Variants in PCDHGA1 observed in about 807,000 individuals in gnomAD.
The protein encoded by PCDHGA1 is protocadherin gamma subfamily A, 1.
In PCDHGA1, 32 loss-of-function variants were observed where a neutral mutation model predicts 58.0. That is an observed-to-expected ratio of 0.55 (90% confidence interval 0.42 to 0.74). The LOEUF (loss-of-function observed/expected upper bound fraction) is 0.74. Ranked by LOEUF, PCDHGA1 falls within the 30% of genes least tolerant of loss-of-function variation. The pLI is 0.00. For synonymous variants in PCDHGA1, 498 were observed against 501.1 expected (o/e 0.99, Z 0.08); for missense variants, 1,205 against 1,182.3 (o/e 1.02, Z -0.28).
At chr5:141,374,428 T>A in intron 1 of PCDHGA1, 16 of 1,613,952 alleles carry the variant, frequency 9.9e-6, no homozygotes, top group Non-Finnish European at 1.4e-5. Context: ...ATAAACTGAA[T>A]CTTTATCCCG....
At position 141,431,118 on chromosome 5, in the gene PCDHGA1, A is replaced by C; in HGVS notation, c.2422-63689A>C. On this transcript the variant is annotated intron_variant, in intron 1 of 3. Coordinates refer to ENST00000517417, the MANE Select transcript of PCDHGA1 (RefSeq NM_018912.3). The surrounding 1 kb of genome is among the most constrained non-coding windows in gnomAD (Gnocchi z 4.8). ...GATAAAGTGAAAATATATGGAGTAG[A>C]AGTAGAAGTAAGGGACATTAACGAC... 6.2e-7 allele frequency: 1 copy of C among 1,614,182 alleles called. No individual in the cohort carries two copies. Among genetic ancestry groups the C allele is most frequent in the Non-Finnish European group, 8.5e-7 (1 of 1,179,974 alleles).
Position 141,491,300 on chromosome 5 carries a change from G to A in PCDHGA1, c.2422-3507G>A, listed in dbSNP as rs2099710472. On this transcript the variant is annotated intron_variant, in intron 1 of 3. Coordinates refer to ENST00000517417, the MANE Select transcript of PCDHGA1 (RefSeq NM_018912.3). This position sits in a 1 kb window ranked among gnomAD's most constrained non-coding sequence, Gnocchi z 6.9. ...GACTTCCTCATACACCCTCCTGAGC[G>A]TTCAGACCTTACCCTTTACCTCATT... 1 of 1,614,136 alleles carries A rather than the reference G, an allele frequency of 6.2e-7. No homozygotes were observed. The highest frequency in any genetic ancestry group is 1.1e-5 in the South Asian group (1 of 91,086).
chr5:141,373,498 G>A (rs1282997273), intron 1 of PCDHGA1, among the ~76,000 whole-genome samples: 2 of 152,206 alleles, frequency 1.3e-5, no homozygotes, highest in Non-Finnish European at 2.9e-5. Flanking sequence ...ACTCTAGCCT[G>A]GGAGACAGAG....
chr5:141,391,873 T>G (rs1023590638), intron 1 of PCDHGA1: 2 of 152,216 alleles, frequency 1.3e-5, no homozygotes, highest in African/African-American at 4.8e-5. Flanking sequence ...TAATCATCTC[T>G]TTGGTGAAAG....
intron 1 of PCDHGA1, chr5:141,371,724 G>A (rs747047802): frequency 1.2e-6 from 2 of 1,614,056 alleles, no homozygotes; most frequent in South Asian, 2.2e-5. Flanking sequence ...GCACATCCTT[G>A]ATGTCAACGA....
chr5:141,476,224 G>T lies in PCDHGA1; in HGVS notation c.2422-18583G>T. 6.2e-7 allele frequency: 1 copy of T among 1,614,062 alleles called. No individual in the cohort carries two copies. The highest frequency in any genetic ancestry group is 1.1e-5 in the South Asian group (1 of 91,072). ...AGGCTTCCACGGTCATTCACTATGA[G>T]ATCCCGGAGGAAAGAGAGAAGGGTT... On this transcript the variant is annotated intron_variant, in intron 1 of 3. Transcript: ENST00000517417. This position sits in a 1 kb window ranked among gnomAD's most constrained non-coding sequence, Gnocchi z 7.6.
chr5:141,478,607 A>T (rs892000536), intron 1 of PCDHGA1: 1 of 1,560,800 alleles, frequency 6.4e-7, no homozygotes, highest in Non-Finnish European at 8.7e-7. Context: ...CATCATATTG[A>T]GGAAGGAATG....
At chr5:141,372,885 A>G (rs1011969316) in intron 1 of PCDHGA1, 5 of 1,202,158 alleles carry the variant, frequency 4.2e-6, no homozygotes, top group Non-Finnish European at 4.5e-6. Flanking sequence ...AAAAGAATAC[A>G]GATTAAATAT....
intron 1 of PCDHGA1, chr5:141,391,631 G>C (rs913626630): frequency 6.6e-6 from 1 of 152,170 alleles, no homozygotes; most frequent in African/African-American, 2.4e-5. Flanking sequence ...GAAAGTTTTA[G>C]TCAGTGAAAA....
chr5:141,432,094 C>G lies in PCDHGA1; in HGVS notation c.2422-62713C>G. On this transcript the variant is annotated intron_variant, in intron 1 of 3. Transcript: ENST00000517417. This position sits in a 1 kb window ranked among gnomAD's most constrained non-coding sequence, Gnocchi z 6.0. ...ATATCTCGCTGAACGTGGCAGACAC[C>G]AACGACAACCCGCCGGTCTTCCCTC... The G allele has an allele frequency of 6.2e-7, 1 of 1,614,178 alleles. No homozygotes were observed. The highest frequency in any genetic ancestry group is 8.5e-7 in the Non-Finnish European group (1 of 1,180,046).
Position 141,371,960 on chromosome 5 carries a change from C to A in PCDHGA1, c.2421+38855C>A, listed in dbSNP as rs771450244. On this transcript the variant is annotated intron_variant, in intron 1 of 3. Transcript: ENST00000517417. ...TGTTCGCGCAGCGAGCCTTCGACCACGAGCAGCTGCGTGCCTTCGAGCTCA... is the reference window on the plus strand; with the variant it reads ...TGTTCGCGCAGCGAGCCTTCGACCAAGAGCAGCTGCGTGCCTTCGAGCTCA... 1.9e-6 allele frequency: 3 copies of A among 1,613,142 alleles called. No homozygotes were observed. The African/African-American group carries it at 4.0e-5, about 22-fold the overall frequency.
At chr5:141,379,275 A>C (rs1248743398) in intron 1 of PCDHGA1, 3 of 152,194 alleles carry the variant, frequency 2.0e-5, no homozygotes, top group African/African-American at 7.2e-5. Flanking sequence ...TTATAGATTT[A>C]TTTATTTCAA....
intron 2 of PCDHGA1, among the ~76,000 whole-genome samples, chr5:141,501,290 T>TACACATACAC (rs1224133816): frequency 4.6e-4 from 62 of 136,246 alleles, no homozygotes; most frequent in Admixed American, 7.0e-4. Flanking sequence ...TATTCCCTTA[T>TACACATACAC]ACACACACAC....
chr5:141,511,304 CTTGGGAAA>C lies in PCDHGA1; in HGVS notation c.*132_*139del. ...TGGTAGGGGCCAAGGCCATGCTCCC[CTTGGGAAA>C]CAGAAACAAGTGCCCAGTCAGCACC... is the stretch of plus-strand genomic sequence containing the variant. On this transcript the variant is annotated 3_prime_UTR_variant, in exon 4 of 4. Transcript: ENST00000517417. The C allele has an allele frequency of 2.0e-6, 3 of 1,490,438 alleles. No individual in the cohort carries two copies. The South Asian group carries it at 4.0e-5, about 20-fold the overall frequency. 92.3% of individuals were successfully genotyped at this position (1,490,438 alleles called of 1,614,324 possible). A position where few individuals can be genotyped will look rare whatever the true frequency, so the allele number is the denominator to read the frequency against.
chr5:141,331,309 C>A lies in PCDHGA1; in HGVS notation c.625C>A (p.His209Asn). ...PLDREEEAVH[H>N]LILTASDGGE... Reference sequence around the variant, plus strand: ...AGACAGAGAAGAAGAAGCTGTCCACCACCTCATCCTCACAGCTTCTGATGG... The same window carrying A: ...AGACAGAGAAGAAGAAGCTGTCCACAACCTCATCCTCACAGCTTCTGATGG... The change falls in exon 1 of 4, where the codon CAC becomes AAC. Residue 209 changes from histidine to asparagine, a missense_variant. Physicochemically the swap from His to Asn is moderately conservative, Grantham distance 68. Coordinates refer to ENST00000517417, the MANE Select transcript of PCDHGA1 (RefSeq NM_018912.3). 1.2e-6 allele frequency: 2 copies of A among 1,614,118 alleles called. No individual in the cohort carries two copies. The highest frequency in any genetic ancestry group is 1.7e-6 in the Non-Finnish European group (2 of 1,180,034).
intron 1 of PCDHGA1, chr5:141,361,656 G>A: frequency 1.2e-6 from 2 of 1,613,748 alleles, no homozygotes; most frequent in Non-Finnish European, 1.7e-6. Context: ...ACGTGTCCGT[G>A]AGCGCGCAGA....
At chr5:141,344,904 A>G (rs763373670) in intron 1 of PCDHGA1, 1 of 1,613,788 alleles carries the variant, frequency 6.2e-7, no homozygotes, top group African/African-American at 1.3e-5. Flanking sequence ...AATCGCTGAG[A>G]TTTTCCATCT....
chr5:141,387,866 G>A, intron 1 of PCDHGA1: 2 of 1,590,640 alleles, frequency 1.3e-6, no homozygotes, highest in South Asian at 1.1e-5. Context: ...TGGTGAGCAA[G>A]CTGAGGAGAG....
chr5:141,511,041 C>T lies in PCDHGA1; in HGVS notation c.2664C>T (p.Pro888=), dbSNP rs1421629777. 1.5e-5 allele frequency: 24 copies of T among 1,614,076 alleles called. No individual in the cohort carries two copies. The highest frequency in any genetic ancestry group is 5.5e-5 in the South Asian group (5 of 91,092). Residue 888 remains proline, a synonymous_variant, in exon 4 of 4, where the codon CCC becomes CCT. Transcript: ENST00000517417. The part of the protein sequence containing the change: ...YGPQFTLQHV[P]DYRQNVYIPG... ...CCCAGTTCACCCTGCAGCACGTGCCCGACTACCGCCAGAATGTCTACATCC... is the reference window on the plus strand; with the variant it reads ...CCCAGTTCACCCTGCAGCACGTGCCTGACTACCGCCAGAATGTCTACATCC...
Sources: gnomAD v4.1 joint callset for allele counts (sites outside exome capture counted in the v4.1 genomes callset) on GRCh38, gnomAD v4.1.1 for gene constraint, Gnocchi (gnomAD v3.1) non-coding constraint, MANE v1.5 for transcripts, NCBI Gene and HGNC (gene_info 2026-07-23, HGNC 2026-07-21) for gene names.